The following KDM3B variants were observed in gnomAD, a reference collection of about 807,000 sequenced individuals.
The protein encoded by KDM3B is lysine-specific demethylase 3B.
KDM3B carries 10 observed loss-of-function variants against 170.0 expected under a neutral mutation model. The ratio of observed to expected loss-of-function variants is 0.06; its 90% CI spans 0.04 to 0.10. The LOEUF is 0.10. Among genes scored for constraint, KDM3B ranks in the 10% least tolerant of loss-of-function variants. The pLI, the probability that KDM3B is intolerant of heterozygous loss-of-function variation, is 1.00. For missense variants in KDM3B, 1,394 were observed against 2,195.2 expected, an observed-to-expected ratio of 0.64 and a Z score of 7.29; for synonymous variants, 831 against 834.8, an observed-to-expected ratio of 1.00 and a Z score of 0.08.
intron 13 of KDM3B, 98 bp from the exon 14 acceptor site, chr5:138,418,855 A>G: frequency 8.8e-7 from 1 of 1,131,730 alleles, no homozygotes; most frequent in South Asian, 1.5e-5. Flanking sequence ...ATGACAGATT[A>G]TTCTTCCCAG....
At chr5:138,357,233 G>C (rs188258322) in intron 1 of KDM3B, among the ~76,000 whole-genome samples, 1 of 151,696 alleles carries the variant, frequency 6.6e-6, no homozygotes, top group Non-Finnish European at 1.5e-5. Flanking sequence ...GCAGTTGCCT[G>C]CCTCAGCCTC....
intron 9 of KDM3B, among the ~76,000 whole-genome samples, chr5:138,396,145 G>C (rs1477289833): frequency 1.3e-5 from 2 of 151,948 alleles, no homozygotes; most frequent in Middle Eastern, 3.2e-3. Context: ...GCCCAGGCTG[G>C]AGTGCAGTGG....
Position 138,420,923 on chromosome 5 carries a change from A to G in KDM3B, c.3933A>G (p.Thr1311=), listed in dbSNP as rs761559640. 2.1e-5 allele frequency: 34 copies of G among 1,613,958 alleles called. No individual in the cohort carries two copies. The highest frequency in any genetic ancestry group is 2.8e-5 in the Non-Finnish European group (33 of 1,179,978). The change falls in exon 15 of 24, where the codon ACA becomes ACG. Residue 1311 remains threonine, a synonymous_variant. Transcript: ENST00000314358. ...AACTTCCTCAAACCCCCTTGGACAC[A>G]GGCATACCCTTTCCCCCGGTCTTCT... is the stretch of plus-strand genomic sequence containing the variant. ...PGKLPQTPLD[T]GIPFPPVFST...
chr5:138,377,591 A>G, intron 3 of KDM3B, 129 bp from the exon 4 acceptor site: 1 of 618,744 alleles, frequency 1.6e-6, no homozygotes, highest in South Asian at 1.9e-5. Flanking sequence ...CTAGCCTGAG[A>G]CTAAGGTTCT....
chr5:138,397,998 T>G (rs1197958675), intron 9 of KDM3B, 180 bp from the exon 10 acceptor site: 1 of 558,062 alleles, frequency 1.8e-6, no homozygotes, highest in African/African-American at 1.9e-5. Flanking sequence ...CTAGACCTAC[T>G]AAATGTTATG....
intron 9 of KDM3B, among the ~76,000 whole-genome samples, chr5:138,397,635 C>CA (rs1561777614): frequency 6.6e-6 from 1 of 152,086 alleles, no homozygotes; most frequent in African/African-American, 2.4e-5. Flanking sequence ...GTCAGTAGTT[C>CA]AAGACCAGCC....
At position 138,418,489 on chromosome 5, in the gene KDM3B, GGTTCTTGA is replaced by G. The variant is rs538617008; in HGVS notation, c.3436-462_3436-455del. Among the ~76,000 whole-genome samples, 43 of 152,200 alleles carry G rather than the reference GGTTCTTGA, an allele frequency of 2.8e-4. 1 individual carries two copies. The East Asian group carries it at 7.1e-3, about 25-fold the overall frequency. The stretch of plus-strand genomic sequence containing the variant: ...AAGAGGCACAGGGATTAATGCTGAG[GGTTCTTGA>G]GATATATTTTCAGTAGAGTTGACTA... On this transcript the variant is annotated intron_variant, in intron 13 of 23. Coordinates refer to ENST00000314358, the MANE Select transcript of KDM3B (RefSeq NM_016604.4).
Position 138,392,132 on chromosome 5 carries a change from C to G in KDM3B, c.2500C>G (p.Leu834Val). Reference protein sequence around the residue: ...SEEQLQAKTGLKGIPEHLMGK... With the variant: ...SEEQLQAKTGVKGIPEHLMGK... ...GGAGCAGCTGCAGGCTAAGACAGGC[C>G]TGAAGGGAATTCCAGAGCACCTGAT... The change falls in exon 8 of 24, where the codon CTG (leucine) becomes GTG (valine). Residue 834 changes from leucine (L) to valine (V), a missense_variant. Transcript: ENST00000314358. The G allele has an allele frequency of 6.3e-7, 1 of 1,593,598 alleles. No homozygotes were observed. Among genetic ancestry groups the G allele is most frequent in the African/African-American group, 1.3e-5 (1 of 74,594 alleles).
intron 1 of KDM3B, among the ~76,000 whole-genome samples, chr5:138,361,742 C>G (rs954269997): frequency 1.3e-5 from 2 of 152,138 alleles, no homozygotes; most frequent in Admixed American, 6.5e-5. Context: ...TCCTTCAGGC[C>G]CATGCATCCT....
intron 16 of KDM3B, among the ~76,000 whole-genome samples, chr5:138,424,987 CT>C (rs934808473): frequency 2.2e-4 from 33 of 152,112 alleles, no homozygotes; most frequent in African/African-American, 7.7e-4. Flanking sequence ...GTAGGTAGTA[CT>C]TTTCTAGGCA....
intron 13 of KDM3B, among the ~76,000 whole-genome samples, chr5:138,418,546 G>A (rs905742711): frequency 5.9e-5 from 9 of 152,140 alleles, no homozygotes; most frequent in Admixed American, 2.0e-4. Context: ...AATAGATAAA[G>A]CAAATTATTT....
In KDM3B at chr5:138,382,001, G is replaced by A. The variant is rs911612061; in HGVS notation, c.780+411G>A. On this transcript the variant is annotated intron_variant, in intron 6 of 23. Coordinates refer to ENST00000314358, the MANE Select transcript of KDM3B (RefSeq NM_016604.4). The stretch of plus-strand genomic sequence containing the variant: ...CCATTCGGTGGCAGTGAGCTCCAAC[G>A]GAGTCTGAAATTCTGTATTCCCAAG... 3.3e-5 allele frequency among the ~76,000 whole-genome samples: 5 copies of A among 151,522 alleles called. No individual in the cohort carries two copies. In the East Asian group the frequency reaches 5.8e-4, roughly 18 times the overall value.
intron 11 of KDM3B, among the ~76,000 whole-genome samples, chr5:138,411,921 GC>G (rs1253503631): frequency 6.6e-6 from 1 of 150,490 alleles, no homozygotes; most frequent in Non-Finnish European, 1.5e-5. Context: ...TGTTGGCCAG[GC>G]TGGTCTCGAA....
intron 4 of KDM3B, among the ~76,000 whole-genome samples, chr5:138,379,177 T>A (rs981744934): frequency 2.0e-5 from 3 of 152,184 alleles, no homozygotes; most frequent in Non-Finnish European, 4.4e-5. Context: ...AACAGCACTT[T>A]CAACTTAGTG....
intron 9 of KDM3B, among the ~76,000 whole-genome samples, chr5:138,397,268 G>C (rs1283405782): frequency 2.6e-5 from 4 of 152,134 alleles, no homozygotes; most frequent in African/African-American, 9.7e-5. Flanking sequence ...CCCGGAGGAG[G>C]CGTTTGCAGT....
chr5:138,405,124 A>G (rs963504020), intron 11 of KDM3B, among the ~76,000 whole-genome samples: 2 of 149,264 alleles, frequency 1.3e-5, no homozygotes, highest in African/African-American at 2.5e-5. Context: ...GCTCACTGCA[A>G]CCTCTGTCTC....
chr5:138,435,735 G>A lies in KDM3B; in HGVS notation c.*35G>A, dbSNP rs1421735944. On this transcript the variant is annotated 3_prime_UTR_variant, in exon 24 of 24. Coordinates refer to ENST00000314358, the MANE Select transcript of KDM3B (RefSeq NM_016604.4). ...AACTCCAAGCTCCTCTGTGAAGCAG[G>A]TCTTTCACTCACAACACTTAACAGG... The A allele has an allele frequency of 6.6e-7, 1 of 1,524,312 alleles. No individual in the cohort carries two copies. The highest frequency in any genetic ancestry group is 1.4e-5 in the African/African-American group (1 of 73,082). 94.4% of individuals were successfully genotyped at this position (1,524,312 alleles called of 1,614,324 possible). A position where few individuals can be genotyped will look rare whatever the true frequency, so the allele number is the denominator to read the frequency against.
At chr5:138,417,342 C>T in intron 12 of KDM3B, 141 bp from the exon 13 acceptor site, 1 of 798,820 alleles carries the variant, frequency 1.3e-6, no homozygotes, top group Non-Finnish European at 1.9e-6. Flanking sequence ...TCAGTTTGAT[C>T]ATCAAAAATT....
At chr5:138,387,101 T>A (rs1397538684) in intron 7 of KDM3B, among the ~76,000 whole-genome samples, 1 of 152,230 alleles carries the variant, frequency 6.6e-6, no homozygotes, top group Non-Finnish European at 1.5e-5. Context: ...TCATTTGATA[T>A]GGCCATGGAA....
Sources: gnomAD v4.1 joint callset for allele counts (sites outside exome capture counted in the v4.1 genomes callset) on GRCh38, gnomAD v4.1.1 for gene constraint, MANE v1.5 for transcripts, NCBI Gene and HGNC (gene_info 2026-07-23, HGNC 2026-07-21) for gene names.